The following FHOD3 variants were observed in gnomAD, a reference collection of about 807,000 sequenced individuals.
FHOD3 encodes FH1/FH2 domain-containing protein 3.
FHOD3 carries 90 observed loss-of-function variants against 173.0 expected under a neutral mutation model. The ratio of observed to expected loss-of-function variants is 0.52; its 90% confidence interval spans 0.44 to 0.62. The LOEUF (loss-of-function observed/expected upper bound fraction) is 0.62, where lower values mean the gene tolerates loss of function less well. Among genes scored for constraint, FHOD3 ranks in the 20% least tolerant of loss-of-function variants. The probability of loss-of-function intolerance (pLI) is 0.00; values close to 1 mark genes in which losing one functional copy is unlikely to be tolerated. For synonymous variants in FHOD3, 828 were observed against 823.0 expected (o/e 1.01, Z -0.10); for missense variants, 1,945 against 2,034.7 (o/e 0.96, Z 0.85).
At chr18:36,630,738 C>T (rs2034453915) in intron 10 of FHOD3, among the ~76,000 whole-genome samples, 2 of 152,206 alleles carry the variant, frequency 1.3e-5, no homozygotes, top group Admixed American at 6.5e-5. Flanking sequence ...GTGGGCAACT[C>T]TCCTCTTGGC....
chr18:36,380,297 A>T (rs1003309015), intron 3 of FHOD3, among the ~76,000 whole-genome samples: 5 of 152,242 alleles, frequency 3.3e-5, no homozygotes, highest in Admixed American at 2.6e-4. Flanking sequence ...TCACAGAAGT[A>T]ACATGACTTA....
In FHOD3 at chr18:36,573,049, C is replaced by CA. The variant is rs553188528; in HGVS notation, c.512-3401dup. Among the ~76,000 whole-genome samples the CA allele has an allele frequency of 1.7e-4, 26 of 149,146 alleles. No homozygotes were observed. In the East Asian group the frequency reaches 3.8e-3, roughly 22 times the overall value. On this transcript the variant is annotated intron_variant, in intron 5 of 28. Coordinates refer to ENST00000590592, the MANE Select transcript of FHOD3 (RefSeq NM_001281740.3). ...ATGAGGTAGGGGCTGCATCTTTCTG[C>CA]AGGAGGGTGGGGGTGGTGGTGGTAA...
At chr18:36,426,677 A>G (rs771933629) in intron 3 of FHOD3, among the ~76,000 whole-genome samples, 8 of 152,200 alleles carry the variant, frequency 5.3e-5, no homozygotes, top group Non-Finnish European at 1.2e-4. Context: ...TGTTCATTCA[A>G]TTCCTACCTT....
intron 2 of FHOD3, among the ~76,000 whole-genome samples, chr18:36,362,664 C>T (rs2046691087): frequency 6.6e-6 from 1 of 152,100 alleles, no homozygotes; most frequent in Non-Finnish European, 1.5e-5. Context: ...CAGTCCCTGG[C>T]TGTAGGGAAA....
At chr18:36,402,262 G>A (rs1281242669) in intron 3 of FHOD3, among the ~76,000 whole-genome samples, 1 of 152,106 alleles carries the variant, frequency 6.6e-6, no homozygotes, top group Non-Finnish European at 1.5e-5. Context: ...TCACATGGCA[G>A]CAAAGAGGCC....
Position 36,348,594 on chromosome 18 carries a change from C to A in FHOD3, c.166-6945C>A, listed in dbSNP as rs545058610. On this transcript the variant is annotated intron_variant, in intron 1 of 28. Coordinates refer to ENST00000590592, the MANE Select transcript of FHOD3 (RefSeq NM_001281740.3). ...AGCACACTCTGGGGGTTTGGGACTT[C>A]GTGTGTTCTTGCCTCCTGCTGTGTC... 6.6e-5 allele frequency among the ~76,000 whole-genome samples: 10 copies of A among 152,248 alleles called. 1 individual carries two copies. The South Asian group carries it at 2.1e-3, about 32-fold the overall frequency.
At chr18:36,391,816 A>G (rs1013208829) in intron 3 of FHOD3, among the ~76,000 whole-genome samples, 4 of 152,084 alleles carry the variant, frequency 2.6e-5, no homozygotes, top group Admixed American at 2.6e-4. Flanking sequence ...GGCTTTCCAG[A>G]CAAACCATGT....
chr18:36,576,990 G>C (rs2058678907), intron 6 of FHOD3, among the ~76,000 whole-genome samples: 1 of 152,024 alleles, frequency 6.6e-6, no homozygotes, highest in Non-Finnish European at 1.5e-5. Flanking sequence ...CTGCTCGGGA[G>C]GCTGAGGCAG....
At chr18:36,497,509 A>C (rs1391795437) in intron 3 of FHOD3, among the ~76,000 whole-genome samples, 2 of 152,240 alleles carry the variant, frequency 1.3e-5, no homozygotes, top group African/African-American at 2.4e-5. Flanking sequence ...ATAGTTTAAA[A>C]ATAAAAGGAT....
chr18:36,543,089 A>C (rs1599582985), intron 5 of FHOD3, among the ~76,000 whole-genome samples: 2 of 152,194 alleles, frequency 1.3e-5, no homozygotes, highest in African/African-American at 4.8e-5. Context: ...TAAGACTGCA[A>C]CAATGGGTCC....
intron 1 of FHOD3, among the ~76,000 whole-genome samples, chr18:36,311,791 C>T (rs1418800021): frequency 6.6e-6 from 1 of 152,184 alleles, no homozygotes; most frequent in Non-Finnish European, 1.5e-5. Context: ...CCACCTGCAC[C>T]CACGTGCCCT....
intron 3 of FHOD3, among the ~76,000 whole-genome samples, chr18:36,444,617 T>C (rs2051359327): frequency 6.6e-6 from 1 of 152,238 alleles, no homozygotes; most frequent in Non-Finnish European, 1.5e-5. Context: ...TTTATCATTC[T>C]GTTATTTCTT....
chr18:36,655,745 CCACA>C (rs60138204), intron 13 of FHOD3, among the ~76,000 whole-genome samples: 7,123 of 137,878 alleles, frequency 0.052, 558 homozygotes, highest in African/African-American at 0.19. Flanking sequence ...CCCTCACCCT[CCACA>C]CACACACACA....
In FHOD3 at chr18:36,479,512, T is replaced by A. The variant is rs1466092099; in HGVS notation, c.338-22420T>A. 2.6e-5 allele frequency among the ~76,000 whole-genome samples: 4 copies of A among 152,284 alleles called. No homozygotes were observed. In the East Asian group the frequency reaches 7.7e-4, roughly 29 times the overall value. On this transcript the variant is annotated intron_variant, in intron 3 of 28. Transcript: ENST00000590592. The stretch of plus-strand genomic sequence containing the variant: ...ACAGCTTTTGAAAATTTCTGCCACA[T>A]TGTAATTGCCTTGCATCTGTCCTAA...
intron 2 of FHOD3, among the ~76,000 whole-genome samples, chr18:36,356,308 G>C (rs2145779186): frequency 6.6e-6 from 1 of 152,198 alleles, no homozygotes; most frequent in East Asian, 1.9e-4. Context: ...ACCTAGAATT[G>C]CTTAATACTT....
chr18:36,412,443 G>A (rs1205074553), intron 3 of FHOD3, among the ~76,000 whole-genome samples: 5 of 152,204 alleles, frequency 3.3e-5, no homozygotes, highest in African/African-American at 4.8e-5. Context: ...TTGCTGCAAT[G>A]CATATAATTT....
chr18:36,646,396 G>C (rs2035685379), intron 10 of FHOD3, among the ~76,000 whole-genome samples: 1 of 152,062 alleles, frequency 6.6e-6, no homozygotes, highest in South Asian at 2.1e-4. Context: ...TCTAAATAAA[G>C]GCTATATATA....
At chr18:36,410,839 A>G (rs985531278) in intron 3 of FHOD3, among the ~76,000 whole-genome samples, 2 of 152,168 alleles carry the variant, frequency 1.3e-5, no homozygotes, top group East Asian at 3.8e-4. Flanking sequence ...GGCCACTTAA[A>G]AAATAGGGTT....
At chr18:36,702,232 C>T (rs540845939) in intron 17 of FHOD3, among the ~76,000 whole-genome samples, 1 of 152,106 alleles carries the variant, frequency 6.6e-6, no homozygotes, top group South Asian at 2.1e-4. Context: ...GGTGCTGAAG[C>T]CTCTAGTGAG....
Sources: gnomAD v4.1 joint callset for allele counts (sites outside exome capture counted in the v4.1 genomes callset) on GRCh38, gnomAD v4.1.1 for gene constraint, MANE v1.5 for transcripts, NCBI Gene and HGNC (gene_info 2026-07-23, HGNC 2026-07-21) for gene names.